ANKFY1: variants seen among roughly 807,000 people sequenced by gnomAD.
The protein encoded by ANKFY1 is ankyrin repeat and FYVE domain-containing protein 1.
Under a neutral mutation model 128.3 loss-of-function variants are expected in ANKFY1, and 47 were observed. The observed-to-expected ratio is 0.37, with a 90% CI of 0.29 to 0.47. ANKFY1 has a LOEUF of 0.47. Ranked by LOEUF, ANKFY1 falls within the 20% of genes least tolerant of loss-of-function variation. ANKFY1 has a pLI of 1.00. For missense variants in ANKFY1, 1,222 were observed against 1,510.6 expected, an observed-to-expected ratio of 0.81 and a Z score of 3.17; for synonymous variants, 553 against 601.6, an observed-to-expected ratio of 0.92 and a Z score of 1.18.
chr17:4,251,279 C>T (rs538723392), intron 1 of ANKFY1, among the ~76,000 whole-genome samples: 51 of 152,162 alleles, frequency 3.4e-4, no homozygotes, highest in South Asian at 1.9e-3. Context: ...CATATCTAAA[C>T]GTAAGGGTTA....
intron 1 of ANKFY1, among the ~76,000 whole-genome samples, chr17:4,259,980 G>T (rs1968320373): frequency 6.6e-6 from 1 of 152,226 alleles, no homozygotes; most frequent in African/African-American, 2.4e-5. Context: ...CAGGGACAAA[G>T]ACGCAGAGGT....
At position 4,178,075 on chromosome 17, in the gene ANKFY1, G is replaced by C. The variant is rs1379921108; in HGVS notation, c.2599-773C>G. ...ATCAGCAGTCCAGTTTCACACTGGA[G>C]AGAAGAAACGGGAGAGGCCATTTCA... On this transcript the variant is annotated intron_variant, in intron 18 of 24. Transcript: ENST00000341657. This position sits in a 1 kb window ranked among gnomAD's most constrained non-coding sequence, Gnocchi z 4.1. The C allele has an allele frequency of 6.6e-6, 1 of 152,572 alleles. No individual in the cohort carries two copies. Among genetic ancestry groups the C allele is most frequent in the Non-Finnish European group, 1.5e-5 (1 of 68,268 alleles). 9.5% of individuals were successfully genotyped at this position (152,572 alleles called of 1,614,324 possible). A position where few individuals can be genotyped will look rare whatever the true frequency, so the allele number is the denominator to read the frequency against.
At chr17:4,184,420 C>T (rs916473362) in intron 12 of ANKFY1, among the ~76,000 whole-genome samples, 4 of 152,224 alleles carry the variant, frequency 2.6e-5, no homozygotes, top group Non-Finnish European at 5.9e-5. Flanking sequence ...AGGGAAACGG[C>T]CCTTCTGTCC....
At chr17:4,223,035 G>A in intron 3 of ANKFY1, 1 of 762,402 alleles carries the variant, frequency 1.3e-6, no homozygotes, top group Non-Finnish European at 2.4e-6. Context: ...AATAAAAGAT[G>A]TACTCCAAGA....
In ANKFY1 at chr17:4,184,904, G is replaced by A. The variant is rs756795585; in HGVS notation, c.1613C>T (p.Ala538Val). 2.3e-5 allele frequency: 37 copies of A among 1,613,912 alleles called. No homozygotes were observed. The highest frequency in any genetic ancestry group is 3.0e-5 in the Non-Finnish European group (35 of 1,180,044). ...TGGCGTCTGCAGATGGACGCTGTCC[G>A]CCAAGCTGGTCAGGGATGCGGCCTC... ...PKEAASLTSL[A>V]DSVHLQTPLH... Residue 538 changes from alanine (A) to valine (V), a missense_variant, in exon 12 of 25, where the codon GCG (alanine) becomes GTG (valine). By Grantham distance (64) the Ala-to-Val change is moderately conservative (BLOSUM62 0). Transcript: ENST00000341657.
At chr17:4,230,811 T>C (rs2060500843) in intron 3 of ANKFY1, among the ~76,000 whole-genome samples, 1 of 152,234 alleles carries the variant, frequency 6.6e-6, no homozygotes. Context: ...CATTTTCAGA[T>C]ACTTTCATAC....
rs541388974 is a variant in ANKFY1 at position 4,169,300 on chromosome 17, G to T, written c.3287-12C>A. On this transcript the variant is annotated splice_polypyrimidine_tract_variant and intron_variant, in intron 23 of 24. Coordinates refer to ENST00000341657, the MANE Select transcript of ANKFY1 (RefSeq NM_001330063.2). This position sits in a 1 kb window ranked among gnomAD's most constrained non-coding sequence, Gnocchi z 5.0. Reference sequence around the variant, plus strand: ...CTTGGACAGCATATCTGCAACACAGGGGGGAGGCCCGGTCCCGTCAAACCG... The same window carrying T: ...CTTGGACAGCATATCTGCAACACAGTGGGGAGGCCCGGTCCCGTCAAACCG... 39 of 1,541,494 alleles carry T rather than the reference G, an allele frequency of 2.5e-5. No individual in the cohort carries two copies. Among genetic ancestry groups the T allele is most frequent in the African/African-American group, 5.5e-5 (4 of 72,974 alleles).
intron 1 of ANKFY1, among the ~76,000 whole-genome samples, chr17:4,256,606 C>T (rs1968144926): frequency 6.6e-6 from 1 of 152,036 alleles, no homozygotes; most frequent in African/African-American, 2.4e-5. Flanking sequence ...TGGTGACTGA[C>T]TTGAGAGTCT....
Position 4,237,555 on chromosome 17 carries a change from C to G in ANKFY1, c.204-1665G>C, listed in dbSNP as rs1966970747. Among the ~76,000 whole-genome samples the G allele has an allele frequency of 2.6e-5, 4 of 152,148 alleles. No individual in the cohort carries two copies. The South Asian group carries it at 6.2e-4, about 24-fold the overall frequency. On this transcript the variant is annotated intron_variant, in intron 2 of 24. Transcript: ENST00000341657. Reference sequence around the variant, plus strand: ...CTAATAACTTAAACAGATTTTCAGTCTGTACTGTTTCAACCACGAGTATAA... The same window carrying G: ...CTAATAACTTAAACAGATTTTCAGTGTGTACTGTTTCAACCACGAGTATAA...
chr17:4,210,724 A>AAAAC (rs2060113677), intron 4 of ANKFY1, among the ~76,000 whole-genome samples: 1 of 150,362 alleles, frequency 6.7e-6, no homozygotes, highest in East Asian at 1.9e-4. Context: ...AAAAAAAAAA[A>AAAAC]AAAAAAAAGC....
At chr17:4,230,597 C>T (rs1230681712) in intron 3 of ANKFY1, among the ~76,000 whole-genome samples, 1 of 152,164 alleles carries the variant, frequency 6.6e-6, no homozygotes, top group Non-Finnish European at 1.5e-5. Context: ...TCTCTTCCCA[C>T]TTGGTCAATC....
intron 2 of ANKFY1, among the ~76,000 whole-genome samples, chr17:4,242,033 G>A (rs113799257): frequency 9.8e-4 from 147 of 149,822 alleles, no homozygotes; most frequent in African/African-American, 3.5e-3. Context: ...AGGCTGCAAT[G>A]AGCCGTGATC....
At chr17:4,221,509 G>T (rs2060311750) in intron 3 of ANKFY1, among the ~76,000 whole-genome samples, 1 of 152,154 alleles carries the variant, frequency 6.6e-6, no homozygotes, top group Non-Finnish European at 1.5e-5. Context: ...ACAGCACCTG[G>T]CTGACTTTGT....
At chr17:4,241,275 C>CTT (rs1168854084) in intron 2 of ANKFY1, among the ~76,000 whole-genome samples, 5 of 14,932 alleles carry the variant, frequency 3.3e-4, no homozygotes, top group African/African-American at 6.3e-4. Flanking sequence ...TCTTCTTCTT[C>CTT]TTTTTTTTTT....
chr17:4,242,344 C>T lies in ANKFY1; in HGVS notation c.115G>A (p.Ala39Thr). 1.9e-6 allele frequency: 3 copies of T among 1,602,490 alleles called. No homozygotes were observed. Among genetic ancestry groups the T allele is most frequent in the Non-Finnish European group, 2.6e-6 (3 of 1,175,760 alleles). The change falls in exon 2 of 25, where the codon GCG becomes ACG. Residue 39 changes from alanine to threonine, a missense_variant. Transcript: ENST00000341657. Reference protein sequence around the residue: ...ETEKRCALLAAQANKESSSES... With the variant: ...ETEKRCALLATQANKESSSES... ...CTGCTGCTCTCCTTGTTTGCCTGCG[C>T]AGCCAAGAGAGCGCAGCGCTTCTCT...
At chr17:4,250,362 A>G (rs898283151) in intron 1 of ANKFY1, among the ~76,000 whole-genome samples, 1 of 152,210 alleles carries the variant, frequency 6.6e-6, no homozygotes, top group Non-Finnish European at 1.5e-5. Context: ...TCATGTTATC[A>G]AAGCTCTAGG....
At position 4,198,325 on chromosome 17, in the gene ANKFY1, C is replaced by CA. The variant is rs2059865407; in HGVS notation, c.899-749dup. ...CTGTACTTGCATTCACGTTCCTACT[C>CA]AGAGTAATCCCATGTCTGTTTTATT... On this transcript the variant is annotated intron_variant, in intron 7 of 24. Coordinates refer to ENST00000341657, the MANE Select transcript of ANKFY1 (RefSeq NM_001330063.2). 2.0e-5 allele frequency among the ~76,000 whole-genome samples: 3 copies of CA among 152,060 alleles called. No homozygotes were observed. The South Asian group carries it at 6.2e-4, about 32-fold the overall frequency.
chr17:4,183,418 G>A lies in ANKFY1; in HGVS notation c.1932C>T (p.His644=), dbSNP rs2059550735. The change falls in exon 14 of 25, where the codon CAC becomes CAT. Residue 644 remains histidine, a synonymous_variant. Coordinates refer to ENST00000341657, the MANE Select transcript of ANKFY1 (RefSeq NM_001330063.2). ...DSKSALFLLE[H]QADINVRTQD... is the part of the protein sequence containing the mutation. ...CCTACCTGACATTTATATCTGCCTG[G>A]TGCTCCAGCAGGAAGAGTGCGCTCT... is the stretch of plus-strand genomic sequence containing the variant. 1 of 1,613,760 alleles carries A rather than the reference G, an allele frequency of 6.2e-7. No individual in the cohort carries two copies. The highest frequency in any genetic ancestry group is 1.3e-5 in the African/African-American group (1 of 74,908).
At chr17:4,256,524 T>C (rs1968137278) in intron 1 of ANKFY1, among the ~76,000 whole-genome samples, 1 of 151,856 alleles carries the variant, frequency 6.6e-6, no homozygotes, top group Non-Finnish European at 1.5e-5. Context: ...AAAGCACAGA[T>C]GTGAGAGGTG....
Sources: gnomAD v4.1 joint callset for allele counts (sites outside exome capture counted in the v4.1 genomes callset) on GRCh38, gnomAD v4.1.1 for gene constraint, Gnocchi (gnomAD v3.1) non-coding constraint, MANE v1.5 for transcripts, NCBI Gene and HGNC (gene_info 2026-07-23, HGNC 2026-07-21) for gene names.